RIMBP2: variants seen among roughly 807,000 people sequenced by gnomAD.
RIMBP2 encodes the protein RIMS-binding protein 2.
Under a neutral mutation model 118.6 loss-of-function variants are expected in RIMBP2, and 48 were observed. The ratio of observed to expected loss-of-function variants is 0.40; its 90% confidence interval spans 0.32 to 0.51. The LOEUF is 0.51. Among genes scored for constraint, RIMBP2 ranks in the 20% least tolerant of loss-of-function variants. The probability of loss-of-function intolerance (pLI) is 0.41; values close to 1 mark genes in which losing one functional copy is unlikely to be tolerated. For missense variants in RIMBP2, 1,551 were observed against 1,768.3 expected, an observed-to-expected ratio of 0.88 and a Z score of 2.20; for synonymous variants, 762 against 742.9, an observed-to-expected ratio of 1.03 and a Z score of -0.42.
intron 12 of RIMBP2, 30 bp downstream of exon 12, chr12:130,438,335 A>ACCCCACCCCC: frequency 1.2e-6 from 1 of 865,014 alleles, no homozygotes; most frequent in Non-Finnish European, 1.9e-6. Context: ...GGCCTAACAA[A>ACCCCACCCCC]CCCTCCCCAC....
intron 6 of RIMBP2, among the ~76,000 whole-genome samples, chr12:130,467,454 A>T (rs1370457197): frequency 6.6e-6 from 1 of 152,172 alleles, no homozygotes; most frequent in African/African-American, 2.4e-5. Context: ...TCGACCCCCT[A>T]TGATTTCATC....
intron 17 of RIMBP2, among the ~76,000 whole-genome samples, chr12:130,416,166 T>C (rs1006669499): frequency 7.2e-5 from 11 of 152,234 alleles, no homozygotes; most frequent in African/African-American, 2.4e-4. Context: ...AACCTACAGA[T>C]TCAATGCTAT....
At position 130,451,206 on chromosome 12, in the gene RIMBP2, A is replaced by G; in HGVS notation, c.493T>C (p.Ser165Pro). The G allele has an allele frequency of 1.9e-6, 3 of 1,613,938 alleles. No homozygotes were observed. The highest frequency in any genetic ancestry group is 2.5e-6 in the Non-Finnish European group (3 of 1,179,930). The change falls in exon 8 of 23, where the codon TCT becomes CCT. Residue 165 changes from serine (S) to proline (P), a missense_variant. Ser to Pro is a moderately conservative substitution (Grantham distance 74). Around this residue, in one of 5 missense-constraint regions of RIMBP2, gnomAD observed 239 missense variants for 256.8 expected, o/e 0.93. Coordinates refer to ENST00000690449, the MANE Select transcript of RIMBP2 (RefSeq NM_001393629.1). ...LSRSGSARCRSESDMENERNS... is the reference protein window; with the variant it reads ...LSRSGSARCRPESDMENERNS... The stretch of plus-strand genomic sequence containing the variant: ...GGGACGGGACTCACGTCTGACTCAG[A>G]TCTGCATCTTGCGCTACCGGATCTC...
rs1275100196 is a variant in RIMBP2, at chr12:130,532,612, C to T, written c.-216-14695G>A. On this transcript the variant is annotated intron_variant, in intron 2 of 22. Transcript: ENST00000690449. ...TCTAGGAGTTACGTCTAATGAGATGCGTATGCTTAGCCTCTAGGAGGTACG... is the reference window on the plus strand; with the variant it reads ...TCTAGGAGTTACGTCTAATGAGATGTGTATGCTTAGCCTCTAGGAGGTACG... Among the ~76,000 whole-genome samples, 7 of 143,526 alleles carry T rather than the reference C, an allele frequency of 4.9e-5. 1 individual carries two copies. The highest frequency in any genetic ancestry group is 4.7e-4 in the South Asian group (2 of 4,246). The allele number at this position is 143,526 out of a possible 152,430, so 94.2% of individuals were successfully genotyped here.
At chr12:130,698,845 A>G (rs1319495113) in intron 1 of RIMBP2, among the ~76,000 whole-genome samples, 1 of 152,202 alleles carries the variant, frequency 6.6e-6, no homozygotes, top group African/African-American at 2.4e-5. Context: ...ACAAAGGGCT[A>G]ATATCCAGAA....
intron 2 of RIMBP2, among the ~76,000 whole-genome samples, chr12:130,555,668 C>T (rs141454424): frequency 1.1e-3 from 161 of 152,242 alleles, no homozygotes; most frequent in African/African-American, 3.1e-3. Context: ...GTTCAACAAC[C>T]GCCTCACCTC....
chr12:130,590,937 G>C (rs1274410341), intron 2 of RIMBP2, among the ~76,000 whole-genome samples: 1 of 152,188 alleles, frequency 6.6e-6, no homozygotes, highest in East Asian at 1.9e-4. Context: ...CCCAGAGCAA[G>C]TGCAGCCAGG....
At position 130,436,926 on chromosome 12, in the gene RIMBP2, T is replaced by A. The variant is rs2292663; in HGVS notation, c.2022A>T (p.Pro674=). ...RRSPSPSRIL[P]QPQGTPVSTT... is the part of the protein sequence containing the mutation. ...TGGACACCGGGGTGCCCTGTGGCTG[T>A]GGCAGGATGCGGCTGGGTGAGGGCG... The change falls in exon 13 of 23, where the codon CCA becomes CCT. Residue 674 remains proline (P), a synonymous_variant. Transcript: ENST00000690449. 2 of 1,602,398 alleles carry A rather than the reference T, an allele frequency of 1.2e-6. No homozygotes were observed. Among genetic ancestry groups the A allele is most frequent in the Non-Finnish European group, 1.7e-6 (2 of 1,175,866 alleles).
intron 2 of RIMBP2, among the ~76,000 whole-genome samples, chr12:130,566,158 C>A (rs2057198993): frequency 6.7e-6 from 1 of 150,340 alleles, no homozygotes; most frequent in Admixed American, 6.6e-5. Flanking sequence ...AAATTTGTTG[C>A]CAATTTATAC....
chr12:130,570,266 A>T (rs1177923137), intron 2 of RIMBP2, among the ~76,000 whole-genome samples: 1 of 152,062 alleles, frequency 6.6e-6, no homozygotes. Context: ...TCTATAAAAA[A>T]CACAAAAAAA....
At chr12:130,553,223 G>A (rs962742464) in intron 2 of RIMBP2, among the ~76,000 whole-genome samples, 7 of 151,752 alleles carry the variant, frequency 4.6e-5, no homozygotes, top group Non-Finnish European at 2.9e-5. Context: ...TGGAGGAAAG[G>A]GAAGGACAAC....
rs1008680371 is a variant in RIMBP2, at chr12:130,446,037, C to T, written c.582-768G>A. Among the ~76,000 whole-genome samples the T allele has an allele frequency of 6.7e-6, 1 of 149,774 alleles. No individual in the cohort carries two copies. Among genetic ancestry groups the T allele is most frequent in the African/African-American group, 2.4e-5 (1 of 40,876 alleles). ...TTTATGCTCCCCCCCCCCACACCCC[C>T]AGGAATATAAGAGTATCCATATTCT... On this transcript the variant is annotated intron_variant, in intron 9 of 22. Transcript: ENST00000690449. This position sits in a 1 kb window ranked among gnomAD's most constrained non-coding sequence, Gnocchi z 4.1.
At position 130,407,708 on chromosome 12, in the gene RIMBP2, G is replaced by A; in HGVS notation, c.3693+18C>T. 1 of 1,588,968 alleles carries A rather than the reference G, an allele frequency of 6.3e-7. No homozygotes were observed. The highest frequency in any genetic ancestry group is 8.6e-7 in the Non-Finnish European group (1 of 1,156,912). ...GGTGTGGTTGTGTCCGTCATGAAGT[G>A]CAGTGTTTGGCTGGTACCTCGACAT... is the stretch of plus-strand genomic sequence containing the variant. On this transcript the variant is annotated intron_variant, in intron 20 of 22. Transcript: ENST00000690449.
intron 2 of RIMBP2, among the ~76,000 whole-genome samples, chr12:130,579,382 T>C (rs956135930): frequency 6.6e-6 from 1 of 152,212 alleles, no homozygotes; most frequent in Non-Finnish European, 1.5e-5. Context: ...CCTGACTCTC[T>C]GATGAGCTTC....
At chr12:130,712,984 G>C (rs572883924) in intron 1 of RIMBP2, among the ~76,000 whole-genome samples, 2 of 151,898 alleles carry the variant, frequency 1.3e-5, no homozygotes, top group Admixed American at 1.3e-4. Flanking sequence ...ATCCACACAG[G>C]AGCGTGGCCC....
chr12:130,438,334 A>AACGGGGCCCCCCCCCCCCCCCCCC, intron 12 of RIMBP2, 31 bp downstream of exon 12: 1 of 1,344,518 alleles, frequency 7.4e-7, no homozygotes, highest in East Asian at 2.4e-5. Flanking sequence ...GGGCCTAACA[A>AACGGGGCCCCCCCCCCCCCCCCCC]ACCCTCCCCA....
Position 130,438,233 on chromosome 12 carries a change from C to T in RIMBP2, c.1656+132G>A, listed in dbSNP as rs552343969. ...CTGGGGTTCACGCTGATGGAGTCTT[C>T]GGGGTTGAGGGTGCCTCCAGTGATC... On this transcript the variant is annotated intron_variant, in intron 12 of 22. Transcript: ENST00000690449. 7.5e-5 allele frequency: 74 copies of T among 984,848 alleles called. No homozygotes were observed. The Middle Eastern group carries it at 1.6e-3, about 21-fold the overall frequency. 61.0% of individuals were successfully genotyped at this position (984,848 alleles called of 1,614,324 possible).
At position 130,450,139 on chromosome 12, in the gene RIMBP2, A is replaced by C; in HGVS notation, c.581+61T>G. On this transcript the variant is annotated intron_variant, in intron 9 of 22. Coordinates refer to ENST00000690449, the MANE Select transcript of RIMBP2 (RefSeq NM_001393629.1). The surrounding 1 kb of genome is among the most constrained non-coding windows in gnomAD (Gnocchi z 4.8). ...TTCTCAGACCCCAGAGTGTTCCCAG[A>C]CCCAACATCTCATCTGCCCCACTCA... 3 of 1,086,446 alleles carry C rather than the reference A, an allele frequency of 2.8e-6. No individual in the cohort carries two copies. The highest frequency in any genetic ancestry group is 4.1e-6 in the Non-Finnish European group (3 of 724,530). The allele number at this position is 1,086,446 out of a possible 1,614,324, so 67.3% of individuals were successfully genotyped here.
chr12:130,614,856 GA>G (rs2060801298), intron 2 of RIMBP2, among the ~76,000 whole-genome samples: 2 of 149,426 alleles, frequency 1.3e-5, no homozygotes, highest in Non-Finnish European at 3.0e-5. Context: ...ATAAAATACA[GA>G]TATATAAAAT....
Sources: gnomAD v4.1 joint callset for allele counts (sites outside exome capture counted in the v4.1 genomes callset) on GRCh38, gnomAD v4.1.1 for gene constraint, gnomAD v4.1.1 regional missense constraint, Gnocchi (gnomAD v3.1) non-coding constraint, MANE v1.5 for transcripts, NCBI Gene and HGNC (gene_info 2026-07-23, HGNC 2026-07-21) for gene names.